TRABD2B: variants seen among roughly 807,000 people sequenced by gnomAD.
The protein encoded by TRABD2B is metalloprotease TIKI2.
Under a neutral mutation model 40.1 loss-of-function variants are expected in TRABD2B, and 14 were observed. The ratio of observed to expected loss-of-function variants is 0.35; its 90% CI spans 0.23 to 0.55. The LOEUF (loss-of-function observed/expected upper bound fraction) is 0.55, where lower values mean the gene tolerates loss of function less well. TRABD2B is among the 20% of genes least tolerant of loss of function. The pLI is 0.90. For synonymous variants in TRABD2B, 263 were observed against 277.0 expected (o/e 0.95, Z 0.50); for missense variants, 541 against 648.6 (o/e 0.83, Z 1.80).
At chr1:47,822,064 C>T (rs1422034872) in intron 2 of TRABD2B, among the ~76,000 whole-genome samples, 1 of 152,148 alleles carries the variant, frequency 6.6e-6, no homozygotes, top group African/African-American at 2.4e-5. Context: ...CTCTAAAACA[C>T]ACCACTGACA....
At chr1:47,852,190 A>C (rs895048085) in intron 2 of TRABD2B, among the ~76,000 whole-genome samples, 3 of 151,964 alleles carry the variant, frequency 2.0e-5, no homozygotes, top group Admixed American at 2.0e-4. Flanking sequence ...GGGGCTCTGG[A>C]ATGAGAGCTG....
At chr1:47,966,176 TG>T (rs1162787439) in intron 2 of TRABD2B, among the ~76,000 whole-genome samples, 2 of 152,180 alleles carry the variant, frequency 1.3e-5, no homozygotes, top group East Asian at 3.9e-4. Context: ...TTATGACGTC[TG>T]GAAGTGCCAG....
At chr1:47,981,563 CCT>C (rs1190470032) in intron 2 of TRABD2B, among the ~76,000 whole-genome samples, 2 of 152,122 alleles carry the variant, frequency 1.3e-5, no homozygotes, top group African/African-American at 4.8e-5. Context: ...CAGTGAGGCA[CCT>C]CTCTCTCAGG....
intron 2 of TRABD2B, among the ~76,000 whole-genome samples, chr1:47,805,631 A>G (rs1644881248): frequency 6.6e-6 from 1 of 152,102 alleles, no homozygotes; most frequent in Admixed American, 6.6e-5. Flanking sequence ...AATCATGCGC[A>G]CTTTCCCTTA....
chr1:47,945,385 T>C lies in TRABD2B; in HGVS notation c.666+48649A>G, dbSNP rs115940802. Among the ~76,000 whole-genome samples, 1,117 of 152,346 alleles carry C rather than the reference T, an allele frequency of 7.3e-3. 15 individuals are homozygous for C. The highest frequency in any genetic ancestry group is 0.026 in the African/African-American group (1,064 of 41,576). On this transcript the variant is annotated intron_variant, in intron 2 of 6. Transcript: ENST00000606738. Reference sequence around the variant, plus strand: ...TGCTTTCTGCCTGTGTTACAGACCTTAAAGCTTTACTAGCCTGCTCTCAGA... The same window carrying C: ...TGCTTTCTGCCTGTGTTACAGACCTCAAAGCTTTACTAGCCTGCTCTCAGA...
At chr1:47,926,386 C>T (rs1324637592) in intron 2 of TRABD2B, among the ~76,000 whole-genome samples, 1 of 152,098 alleles carries the variant, frequency 6.6e-6, no homozygotes, top group Non-Finnish European at 1.5e-5. Flanking sequence ...CTCCTGGGGG[C>T]TCCTGGGGAT....
intron 2 of TRABD2B, among the ~76,000 whole-genome samples, chr1:47,993,256 G>A (rs1023921355): frequency 6.6e-6 from 1 of 152,138 alleles, no homozygotes; most frequent in Non-Finnish European, 1.5e-5. Flanking sequence ...TGAGTTTGGG[G>A]CCAGTGAGTA....
In TRABD2B at chr1:47,990,677, T is replaced by C. The variant is rs368585029; in HGVS notation, c.666+3357A>G. Reference sequence around the variant, plus strand: ...TGTCCCCACAAAAACCAGCTCAACTTTGAAAGACTGGTAATTGCTGCCCCA... The same window carrying C: ...TGTCCCCACAAAAACCAGCTCAACTCTGAAAGACTGGTAATTGCTGCCCCA... On this transcript the variant is annotated intron_variant, in intron 2 of 6. Transcript: ENST00000606738. 2.5e-3 allele frequency among the ~76,000 whole-genome samples: 374 copies of C among 149,910 alleles called. 2 individuals carry two copies. The highest frequency in any genetic ancestry group is 8.9e-3 in the African/African-American group (362 of 40,776).
chr1:47,893,237 TA>T (rs570310883), intron 2 of TRABD2B, among the ~76,000 whole-genome samples: 28 of 145,186 alleles, frequency 1.9e-4, no homozygotes, highest in Middle Eastern at 3.6e-3. Flanking sequence ...TTCAAATATC[TA>T]AAAAAAAAAA....
chr1:47,802,833 G>T (rs770578062), intron 2 of TRABD2B, among the ~76,000 whole-genome samples: 5 of 152,040 alleles, frequency 3.3e-5, no homozygotes, highest in Non-Finnish European at 7.4e-5. Flanking sequence ...GCACAAATCT[G>T]ATGATTTCTC....
At chr1:47,973,524 C>T (rs901681432) in intron 2 of TRABD2B, among the ~76,000 whole-genome samples, 3 of 152,188 alleles carry the variant, frequency 2.0e-5, no homozygotes, top group African/African-American at 7.2e-5. Flanking sequence ...TATACTCGTA[C>T]TTGCTCCTCC....
At chr1:47,823,887 T>C (rs1339966215) in intron 2 of TRABD2B, among the ~76,000 whole-genome samples, 1 of 152,150 alleles carries the variant, frequency 6.6e-6, no homozygotes, top group African/African-American at 2.4e-5. Context: ...GCTCCAGGAA[T>C]CACTACCAAC....
chr1:47,787,931 A>C (rs1290189321), intron 4 of TRABD2B, among the ~76,000 whole-genome samples: 1 of 152,210 alleles, frequency 6.6e-6, no homozygotes, highest in Non-Finnish European at 1.5e-5. Flanking sequence ...GGGAAGGCCC[A>C]GCAGAAGAAT....
chr1:47,953,552 C>T (rs1331362129), intron 2 of TRABD2B, among the ~76,000 whole-genome samples: 1 of 152,278 alleles, frequency 6.6e-6, no homozygotes, highest in Admixed American at 6.5e-5. Context: ...TTACAGAGGC[C>T]TCCGGGGCAG....
chr1:47,897,431 C>T (rs1413264467), intron 2 of TRABD2B, among the ~76,000 whole-genome samples: 1 of 152,028 alleles, frequency 6.6e-6, no homozygotes, highest in Non-Finnish European at 1.5e-5. Flanking sequence ...AGGAGTTCAC[C>T]GAGCCAAGAA....
intron 2 of TRABD2B, among the ~76,000 whole-genome samples, chr1:47,962,982 G>A (rs531801105): frequency 6.6e-6 from 1 of 152,210 alleles, no homozygotes; most frequent in African/African-American, 2.4e-5. Context: ...AGCCTCCCTG[G>A]TTTACCTCTG....
chr1:47,948,894 TTCTG>T (rs1645298742), intron 2 of TRABD2B, among the ~76,000 whole-genome samples: 1 of 152,188 alleles, frequency 6.6e-6, no homozygotes, highest in South Asian at 2.1e-4. Context: ...GTCTCCATCT[TTCTG>T]TCCCTACATT....
chr1:47,975,136 C>G (rs2148430697), intron 2 of TRABD2B, among the ~76,000 whole-genome samples: 1 of 152,256 alleles, frequency 6.6e-6, no homozygotes, highest in East Asian at 1.9e-4. Flanking sequence ...CTGAGGAAAT[C>G]TGAGTAACAT....
intron 2 of TRABD2B, among the ~76,000 whole-genome samples, chr1:47,977,019 T>C (rs1290764054): frequency 3.9e-5 from 6 of 152,078 alleles, no homozygotes. Context: ...CTCAGTTATG[T>C]ATATGTGTGG....
Sources: gnomAD v4.1 joint callset for allele counts (sites outside exome capture counted in the v4.1 genomes callset) on GRCh38, gnomAD v4.1.1 for gene constraint, MANE v1.5 for transcripts, NCBI Gene and HGNC (gene_info 2026-07-23, HGNC 2026-07-21) for gene names.